Variants in NFIB observed in about 807,000 individuals in gnomAD.
The protein encoded by NFIB is nuclear factor I B, also known as nuclear factor 1 B-type.
Under a neutral mutation model 61.5 loss-of-function variants are expected in NFIB, and 11 were observed. The observed-to-expected ratio is 0.18, with a 90% confidence interval of 0.11 to 0.30. NFIB has a LOEUF of 0.30. Among genes scored for constraint, NFIB ranks in the 10% least tolerant of loss-of-function variants. NFIB has a pLI of 1.00. For missense variants in NFIB, 471 were observed against 608.9 expected (o/e 0.77, Z 2.38); for synonymous variants, 260 against 216.5 (o/e 1.20, Z -1.76).
chr9:14,195,670 A>C (rs536610448), intron 2 of NFIB, among the ~76,000 whole-genome samples: 1 of 152,332 alleles, frequency 6.6e-6, no homozygotes, highest in South Asian at 2.1e-4. Flanking sequence ...TCCCAAAGCC[A>C]AAGCTTCCTC....
chr9:14,512,994 A>G, the NFIB span, among the ~76,000 whole-genome samples: 1 of 152,034 alleles, frequency 6.6e-6, no homozygotes, highest in East Asian at 1.9e-4. Context: ...TTTCAAGACA[A>G]TGTAACTGCT....
chr9:14,272,945 C>T (rs1453086969), intron 2 of NFIB, among the ~76,000 whole-genome samples: 2 of 151,958 alleles, frequency 1.3e-5, no homozygotes, highest in South Asian at 2.1e-4. Context: ...CCAGAGTAAA[C>T]ATAACAATGG....
At chr9:14,428,332 G>C in the NFIB span, among the ~76,000 whole-genome samples, 2 of 152,154 alleles carry the variant, frequency 1.3e-5, no homozygotes, top group Non-Finnish European at 2.9e-5. Flanking sequence ...CAAGTAGTGA[G>C]GTGTGTGAGT....
chr9:14,130,972 C>T (rs988901633), intron 6 of NFIB, among the ~76,000 whole-genome samples: 1 of 152,134 alleles, frequency 6.6e-6, no homozygotes. Flanking sequence ...AACAAAACCA[C>T]GTGGTCCCTG....
the NFIB span, among the ~76,000 whole-genome samples, chr9:14,474,062 G>A: frequency 1.3e-5 from 2 of 152,130 alleles, no homozygotes; most frequent in Admixed American, 1.3e-4. Context: ...TCAGACATAT[G>A]CTGAATAAAT....
At chr9:14,388,367 A>AAG (rs2061576618) in intron 1 of NFIB, among the ~76,000 whole-genome samples, 127 of 131,884 alleles carry the variant, frequency 9.6e-4, no homozygotes, top group Middle Eastern at 3.7e-3. Flanking sequence ...AGAGAAAGAA[A>AAG]GAAGGAAGGA....
the NFIB span, among the ~76,000 whole-genome samples, chr9:14,438,052 A>G: frequency 1.3e-5 from 2 of 149,704 alleles, no homozygotes; most frequent in Admixed American, 6.6e-5. Context: ...GTGCGTGTGC[A>G]CGCATGTGTG....
the NFIB span, among the ~76,000 whole-genome samples, chr9:14,414,266 C>A: frequency 6.6e-6 from 1 of 151,842 alleles, no homozygotes; most frequent in Non-Finnish European, 1.5e-5. Flanking sequence ...GAAACCTCAT[C>A]TCTACTAAAA....
the NFIB span, among the ~76,000 whole-genome samples, chr9:14,427,359 T>C: frequency 6.6e-6 from 1 of 152,226 alleles, no homozygotes; most frequent in Non-Finnish European, 1.5e-5. Flanking sequence ...CTATATTAGC[T>C]TATTCAGTCC....
At chr9:14,453,514 CAG>C in the NFIB span, among the ~76,000 whole-genome samples, 2 of 152,204 alleles carry the variant, frequency 1.3e-5, no homozygotes, top group Non-Finnish European at 2.9e-5. Context: ...TTAATGTCAA[CAG>C]AGACATATGG....
chr9:14,438,125 G>A, the NFIB span, among the ~76,000 whole-genome samples: 1 of 152,136 alleles, frequency 6.6e-6, no homozygotes, highest in Non-Finnish European at 1.5e-5. Flanking sequence ...GAGAAGCAGG[G>A]AGGGAAGGAG....
chr9:14,097,453 T>C (rs763898952), intron 10 of NFIB, among the ~76,000 whole-genome samples: 14 of 152,202 alleles, frequency 9.2e-5, no homozygotes, highest in Non-Finnish European at 1.9e-4. Flanking sequence ...GCTGTTGTAC[T>C]GTAGTTATGT....
At chr9:14,143,892 G>A (rs1252410087) in intron 6 of NFIB, among the ~76,000 whole-genome samples, 5 of 152,084 alleles carry the variant, frequency 3.3e-5, no homozygotes, top group Admixed American at 3.3e-4. Flanking sequence ...AGATAGTACT[G>A]TACTGCCCGC....
intron 1 of NFIB, among the ~76,000 whole-genome samples, chr9:14,359,609 T>G (rs907558980): frequency 1.3e-5 from 2 of 152,186 alleles, no homozygotes; most frequent in African/African-American, 4.8e-5. Context: ...AGCCACCAGT[T>G]TTTGGAAATT....
intron 1 of NFIB, among the ~76,000 whole-genome samples, chr9:14,359,805 A>G (rs1159033982): frequency 6.6e-6 from 1 of 152,144 alleles, no homozygotes; most frequent in African/African-American, 2.4e-5. Context: ...AGATATACCT[A>G]TGAATGAAAG....
chr9:14,302,795 A>C, intron 2 of NFIB, among the ~76,000 whole-genome samples: 1 of 151,548 alleles, frequency 6.6e-6, no homozygotes, highest in African/African-American at 2.4e-5. Flanking sequence ...CAGACAGGAC[A>C]CAGTCTGGCA....
At chr9:14,486,904 A>G in the NFIB span, among the ~76,000 whole-genome samples, 2 of 152,212 alleles carry the variant, frequency 1.3e-5, no homozygotes, top group East Asian at 3.8e-4. Context: ...TGATAAAACT[A>G]ATTTTAGAAA....
intron 2 of NFIB, among the ~76,000 whole-genome samples, chr9:14,263,752 GA>G (rs1177270280): frequency 6.6e-6 from 1 of 152,298 alleles, no homozygotes; most frequent in African/African-American, 2.4e-5. Context: ...ATAGCAAAAC[GA>G]AAACTGAGCT....
intron 2 of NFIB, among the ~76,000 whole-genome samples, chr9:14,180,158 T>C (rs776751437): frequency 1.2e-4 from 19 of 152,194 alleles, no homozygotes; most frequent in Non-Finnish European, 2.1e-4. Context: ...CTAAGTGTAA[T>C]TAAACGTGCA....
Sources: allele counts gnomAD v4.1 joint callset (sites outside exome capture counted in the v4.1 genomes callset), GRCh38; gene constraint gnomAD v4.1.1; transcripts MANE v1.5; gene names NCBI Gene and HGNC (gene_info 2026-07-23, HGNC 2026-07-21).